Variants in ACAP2 observed in about 807,000 individuals in gnomAD.
ACAP2 encodes ArfGAP with coiled-coil, ankyrin repeat and PH domains 2.
ACAP2 carries 39 observed loss-of-function variants against 115.8 expected under a neutral mutation model. The ratio of observed to expected loss-of-function variants is 0.34; its 90% CI spans 0.26 to 0.44. The LOEUF is 0.44. Ranked by LOEUF, ACAP2 falls within the 20% of genes least tolerant of loss-of-function variation. The pLI, the probability that ACAP2 is intolerant of heterozygous loss-of-function variation, is 1.00. For missense variants in ACAP2, 662 were observed against 927.6 expected (o/e 0.71, Z 3.72); for synonymous variants, 289 against 315.8 (o/e 0.92, Z 0.90).
chr3:195,320,381 TAG>T (rs1219993519), intron 10 of ACAP2, among the ~76,000 whole-genome samples: 2 of 152,226 alleles, frequency 1.3e-5, no homozygotes, highest in African/African-American at 2.4e-5. Flanking sequence ...ATAACAAATA[TAG>T]GAGGTAGACC....
At chr3:195,301,001 C>T (rs978402326) in intron 15 of ACAP2, among the ~76,000 whole-genome samples, 2 of 152,000 alleles carry the variant, frequency 1.3e-5, no homozygotes, top group Non-Finnish European at 2.9e-5. Context: ...CACAAGGGAG[C>T]GAAGACCTTG....
At chr3:195,356,382 A>G (rs1312669894) in intron 4 of ACAP2, among the ~76,000 whole-genome samples, 2 of 152,146 alleles carry the variant, frequency 1.3e-5, no homozygotes, top group Non-Finnish European at 2.9e-5. Context: ...TGGGGTCCTA[A>G]ATAACAGTAA....
chr3:195,333,330 T>C (rs973211652), intron 7 of ACAP2, among the ~76,000 whole-genome samples: 3 of 152,170 alleles, frequency 2.0e-5, no homozygotes, highest in Non-Finnish European at 4.4e-5. Context: ...GCCTCCTAAA[T>C]AGCTGGGACC....
At chr3:195,292,908 C>T (rs530443012) in intron 18 of ACAP2, among the ~76,000 whole-genome samples, 5 of 107,460 alleles carry the variant, frequency 4.7e-5, no homozygotes, top group South Asian at 3.3e-4. Context: ...AGCAATAGAG[C>T]GAGACTCAGT....
At chr3:195,351,611 C>G (rs919462147) in intron 4 of ACAP2, among the ~76,000 whole-genome samples, 2 of 151,762 alleles carry the variant, frequency 1.3e-5, no homozygotes, top group Non-Finnish European at 2.9e-5. Context: ...ACAGGCGCCC[C>G]CCACCACCAC....
At chr3:195,431,319 A>G (rs1018121174) in intron 1 of ACAP2, among the ~76,000 whole-genome samples, 1 of 152,178 alleles carries the variant, frequency 6.6e-6, no homozygotes, top group African/African-American at 2.4e-5. Context: ...TTGGCAGTGA[A>G]TAATGCTCCT....
Position 195,294,763 on chromosome 3 carries a change from T to A in ACAP2, c.1721A>T (p.Glu574Val). 1 of 1,610,896 alleles carries A rather than the reference T, an allele frequency of 6.2e-7. No individual in the cohort carries two copies. Among genetic ancestry groups the A allele is most frequent in the East Asian group, 2.2e-5 (1 of 44,724 alleles). The change falls in exon 18 of 23, where the codon GAA (glutamate) becomes GTA (valine). Residue 574 changes from glutamate (E) to valine (V), a missense_variant. Glu to Val is a moderately radical substitution (Grantham distance 121). Around this residue, in one of 3 missense-constraint regions of ACAP2, gnomAD observed 133 missense variants for 123.1 expected, o/e 1.08. Transcript: ENST00000326793. ...GGCTGACACCGTGGAGGGTAAAGAT[T>A]CTCTTCCATCATCAGAGCTCTGCTG... is the stretch of plus-strand genomic sequence containing the variant. ...GIQQSSDDGR[E>V]SLPSTVSANS...
chr3:195,332,042 G>A (rs1434728710), intron 8 of ACAP2, among the ~76,000 whole-genome samples: 2 of 151,166 alleles, frequency 1.3e-5, no homozygotes, highest in Non-Finnish European at 2.9e-5. Context: ...GCTGAGGCAG[G>A]AGAATGGCAA....
At chr3:195,291,530 A>G (rs980905130) in intron 20 of ACAP2, among the ~76,000 whole-genome samples, 176 bp downstream of exon 20, 1 of 152,246 alleles carries the variant, frequency 6.6e-6, no homozygotes, top group African/African-American at 2.4e-5. Context: ...AACCAATAGT[A>G]GCTTTTTCTG....
intron 8 of ACAP2, among the ~76,000 whole-genome samples, chr3:195,332,166 G>C (rs1426772421): frequency 1.3e-5 from 2 of 150,730 alleles, no homozygotes; most frequent in African/African-American, 4.9e-5. Flanking sequence ...ATTACACATA[G>C]CCATAGATAG....
In ACAP2 at chr3:195,327,102, T is replaced by C. The variant is rs1023288948; in HGVS notation, c.670-143A>G. ...ATAAAGTTTTGGCTAAATTTTGAAG[T>C]AGAAGTTCATATTTTTTTCTGCTAT... On this transcript the variant is annotated intron_variant, in intron 8 of 22. Transcript: ENST00000326793. 1.1e-5 allele frequency: 8 copies of C among 751,572 alleles called. No homozygotes were observed. The South Asian group carries it at 1.3e-4, about 12-fold the overall frequency. The allele number at this position is 751,572 out of a possible 1,614,324, so 46.6% of individuals were successfully genotyped here. A position where few individuals can be genotyped will look rare whatever the true frequency, so the allele number is the denominator to read the frequency against.
intron 2 of ACAP2, among the ~76,000 whole-genome samples, chr3:195,384,717 G>C (rs1182507619): frequency 8.4e-6 from 1 of 118,532 alleles, no homozygotes; most frequent in Non-Finnish European, 1.7e-5. Flanking sequence ...ACAGAGCGAG[G>C]CTGTCTCAAA....
Position 195,397,302 on chromosome 3 carries a change from T to C in ACAP2, c.54-5155A>G, listed in dbSNP as rs954128063. Reference sequence around the variant, plus strand: ...ATGTACCTTGGGCAATGCTGGACTATTCTTTGCAAGGAAAGGACAACAGCT... The same window carrying C: ...ATGTACCTTGGGCAATGCTGGACTACTCTTTGCAAGGAAAGGACAACAGCT... On this transcript the variant is annotated intron_variant, in intron 1 of 22. Coordinates refer to ENST00000326793, the MANE Select transcript of ACAP2 (RefSeq NM_012287.6). 2.6e-5 allele frequency among the ~76,000 whole-genome samples: 4 copies of C among 152,154 alleles called. No homozygotes were observed. The East Asian group carries it at 5.8e-4, about 22-fold the overall frequency.
At chr3:195,370,552 G>T (rs1446908370) in intron 4 of ACAP2, among the ~76,000 whole-genome samples, 1 of 152,124 alleles carries the variant, frequency 6.6e-6, no homozygotes, top group African/African-American at 2.4e-5. Flanking sequence ...TCAGATGGTT[G>T]TAGGTGTGCG....
chr3:195,286,009 G>A, intron 21 of ACAP2, 152 bp from the exon 22 acceptor site: 1 of 595,558 alleles, frequency 1.7e-6, no homozygotes, highest in Non-Finnish European at 2.9e-6. Flanking sequence ...CCAGCAATCT[G>A]AGGTACAAAG....
intron 2 of ACAP2, among the ~76,000 whole-genome samples, chr3:195,385,659 C>A (rs897113337): frequency 6.6e-6 from 1 of 151,952 alleles, no homozygotes; most frequent in African/African-American, 2.4e-5. Context: ...TGTGGCAAAT[C>A]CTGAGGTCTT....
At chr3:195,315,206 A>G (rs1267990584) in intron 10 of ACAP2, among the ~76,000 whole-genome samples, 1 of 152,186 alleles carries the variant, frequency 6.6e-6, no homozygotes, top group Non-Finnish European at 1.5e-5. Context: ...TTTTTTGTAG[A>G]GATGGGGTTT....
chr3:195,333,043 C>T lies in ACAP2; in HGVS notation c.654G>A (p.Lys218=), dbSNP rs1730277478. ...DLFSELGPYM[K]DLGAQLDRLV... ...GCAACATTACCTGTGCACCAAGATC[C>T]TTCATGTAGGGTCCAAGTTCACTAA... Residue 218 remains lysine, a synonymous_variant, in exon 8 of 23, where the codon AAG becomes AAA. Transcript: ENST00000326793. 1 of 1,606,922 alleles carries T rather than the reference C, an allele frequency of 6.2e-7. No individual in the cohort carries two copies. Among genetic ancestry groups the T allele is most frequent in the Non-Finnish European group, 8.5e-7 (1 of 1,176,356 alleles).
At chr3:195,326,797 T>A in intron 9 of ACAP2, 88 bp downstream of exon 9, 1 of 1,138,930 alleles carries the variant, frequency 8.8e-7, no homozygotes, top group Non-Finnish European at 1.3e-6. Context: ...CTCAAAAGAT[T>A]TGTTCCAATA....
Sources: allele counts gnomAD v4.1 joint callset (sites outside exome capture counted in the v4.1 genomes callset), GRCh38; gene constraint gnomAD v4.1.1; regional missense constraint gnomAD v4.1.1; transcripts MANE v1.5; gene names NCBI Gene and HGNC (gene_info 2026-07-23, HGNC 2026-07-21).